CDKN2B-AS1: variants seen among roughly 807,000 people sequenced by gnomAD.
CDKN2B-AS1 encodes CDKN2B antisense RNA 1 (non-protein coding).
intron 1 of CDKN2B-AS1, among the ~76,000 whole-genome samples, chr9:22,032,081 C>T (rs1822498725): frequency 6.6e-6 from 1 of 152,212 alleles, no homozygotes; most frequent in East Asian, 1.9e-4. Context: ...ACCTTGATTG[C>T]AGTCTTGTGA....
At chr9:22,023,410 A>G (rs1438437613) in intron 1 of CDKN2B-AS1, among the ~76,000 whole-genome samples, 4 of 152,014 alleles carry the variant, frequency 2.6e-5, no homozygotes, top group East Asian at 1.9e-4. Context: ...CACTTAGTCT[A>G]TTCTGTTATT....
In CDKN2B-AS1 at chr9:22,074,471, T is replaced by A. The variant is rs73650038; in HGVS notation, n.438+18084T>A. Among the ~76,000 whole-genome samples the A allele has an allele frequency of 7.9e-3, 1,201 of 152,312 alleles. 18 individuals carry two copies. The highest frequency in any genetic ancestry group is 0.027 in the African/African-American group (1,127 of 41,560). ...GTAGGGAGTACTTCAGAGATGCATC[T>A]GGTCACTCTCGAATACATAACACAT... On this transcript the variant is annotated intron_variant and non_coding_transcript_variant, in intron 4 of 4. Coordinates refer to ENST00000650946, the Ensembl canonical transcript of CDKN2B-AS1.
chr9:22,092,728 T>C (rs1563976581), intron 4 of CDKN2B-AS1, among the ~76,000 whole-genome samples: 1 of 152,186 alleles, frequency 6.6e-6, no homozygotes, highest in East Asian at 1.9e-4. Context: ...TCTTTATTAA[T>C]CTTGCTAGTG....
rs1037857704 is a variant in CDKN2B-AS1 at position 22,001,456 on chromosome 9, C to G, written n.29+6295C>G. Among the ~76,000 whole-genome samples, 1 of 152,110 alleles carries G rather than the reference C, an allele frequency of 6.6e-6. No homozygotes were observed. The highest frequency in any genetic ancestry group is 2.4e-5 in the African/African-American group (1 of 41,442). Reference sequence around the variant, plus strand: ...ACATTGTTCTTAGTTCTTTTTCCAGCAAACTCTTTTGTTTTACATTTAGTT... The same window carrying G: ...ACATTGTTCTTAGTTCTTTTTCCAGGAAACTCTTTTGTTTTACATTTAGTT... On this transcript the variant is annotated intron_variant and non_coding_transcript_variant, in intron 1 of 4. Transcript: ENST00000650946. The surrounding 1 kb of genome is among the most constrained non-coding windows in gnomAD (Gnocchi z 4.2).
At chr9:22,052,477 A>G (rs1273688928) in intron 3 of CDKN2B-AS1, among the ~76,000 whole-genome samples, 1 of 152,242 alleles carries the variant, frequency 6.6e-6, no homozygotes, top group South Asian at 2.1e-4. Flanking sequence ...CATTTGATCT[A>G]GGTTTTCAAT....
chr9:22,107,722 A>G (rs970961468), intron 4 of CDKN2B-AS1, among the ~76,000 whole-genome samples: 3 of 152,194 alleles, frequency 2.0e-5, no homozygotes, highest in Non-Finnish European at 2.9e-5. Context: ...CTGACTGGTC[A>G]TTATAGTCTT....
At chr9:22,089,851 C>T (rs1030090646) in intron 4 of CDKN2B-AS1, among the ~76,000 whole-genome samples, 3 of 151,884 alleles carry the variant, frequency 2.0e-5, no homozygotes, top group Non-Finnish European at 2.9e-5. Context: ...TTATACTTTA[C>T]GTTTTAGGGT....
intron 4 of CDKN2B-AS1, chr9:22,092,417 C>A (rs1825123760): frequency 6.6e-6 from 1 of 152,268 alleles, no homozygotes; most frequent in East Asian, 1.9e-4. Context: ...CCTCTTTGTA[C>A]CTCTGGTAGA....
At chr9:22,098,721 A>G (rs1479348530) in intron 4 of CDKN2B-AS1, among the ~76,000 whole-genome samples, 2 of 152,192 alleles carry the variant, frequency 1.3e-5, no homozygotes, top group Admixed American at 6.5e-5. Flanking sequence ...AGTCTTAGAA[A>G]CATTAACTGG....
Position 21,997,311 on chromosome 9 carries a change from G to C in CDKN2B-AS1, n.29+2150G>C, listed in dbSNP as rs140106175. On this transcript the variant is annotated intron_variant and non_coding_transcript_variant, in intron 1 of 4. Coordinates refer to ENST00000650946, the Ensembl canonical transcript of CDKN2B-AS1. The surrounding 1 kb of genome is among the most constrained non-coding windows in gnomAD (Gnocchi z 4.8). ...TAGGACAGCTATGACATCACTAGGG[G>C]ATAGGAATTTTTCACATCCATTATA... Among the ~76,000 whole-genome samples the C allele has an allele frequency of 2.2e-3, 332 of 152,304 alleles. 1 individual carries two copies. The highest frequency in any genetic ancestry group is 7.6e-3 in the African/African-American group (316 of 41,560).
rs188301867 is a variant in CDKN2B-AS1, at chr9:22,036,725, A to G, written n.30-10026A>G. On this transcript the variant is annotated intron_variant and non_coding_transcript_variant, in intron 1 of 4. Transcript: ENST00000650946. ...TTTCTTGTGTAACTCCTCTGCCTTC[A>G]TGCAAACCTTTGAGAACAATCTCTT... Among the ~76,000 whole-genome samples the G allele has an allele frequency of 3.1e-3, 472 of 152,196 alleles. 1 individual carries two copies. The highest frequency in any genetic ancestry group is 0.01 in the African/African-American group (420 of 41,554).
At chr9:22,101,423 G>A (rs1202669519) in intron 4 of CDKN2B-AS1, among the ~76,000 whole-genome samples, 1 of 152,100 alleles carries the variant, frequency 6.6e-6, no homozygotes. Flanking sequence ...GGCCACAGAA[G>A]TAACAACTTT....
chr9:22,015,338 C>T (rs546314296), intron 1 of CDKN2B-AS1, among the ~76,000 whole-genome samples: 1 of 152,032 alleles, frequency 6.6e-6, no homozygotes, highest in African/African-American at 2.4e-5. Context: ...ATGAAAAAGT[C>T]CATTCTTTAG....
chr9:22,057,200 A>G (rs1473941471), intron 4 of CDKN2B-AS1, among the ~76,000 whole-genome samples: 1 of 152,158 alleles, frequency 6.6e-6, no homozygotes, highest in East Asian at 1.9e-4. Flanking sequence ...TCTTTCCAAA[A>G]GTTAACTCAT....
intron 4 of CDKN2B-AS1, chr9:22,120,846 T>A (rs1441838907): frequency 6.6e-6 from 1 of 152,080 alleles, no homozygotes; most frequent in Non-Finnish European, 1.5e-5. Flanking sequence ...ATGTAATGCT[T>A]ACCTAGTGCC....
At chr9:22,098,800 G>T (rs1249697121) in intron 4 of CDKN2B-AS1, among the ~76,000 whole-genome samples, 1 of 152,118 alleles carries the variant, frequency 6.6e-6, no homozygotes, top group East Asian at 1.9e-4. Flanking sequence ...CAGATCCCAT[G>T]TACTTTCCCC....
At chr9:22,101,195 G>A (rs145084352) in intron 4 of CDKN2B-AS1, among the ~76,000 whole-genome samples, 64 of 152,214 alleles carry the variant, frequency 4.2e-4, no homozygotes, top group African/African-American at 1.4e-3. Flanking sequence ...GATAACACAA[G>A]TATCAATTAT....
At chr9:22,069,271 C>T (rs546371688) in intron 4 of CDKN2B-AS1, among the ~76,000 whole-genome samples, 1 of 152,176 alleles carries the variant, frequency 6.6e-6, no homozygotes, top group African/African-American at 2.4e-5. Context: ...AGAGGAGTAG[C>T]AAAACCCATG....
chr9:22,049,825 G>A (rs138781137), intron 3 of CDKN2B-AS1, among the ~76,000 whole-genome samples: 97 of 152,242 alleles, frequency 6.4e-4, no homozygotes, highest in Non-Finnish European at 9.1e-4. Flanking sequence ...TCTGTAAAGC[G>A]TTTCATAGAT....
Sources: gnomAD v4.1 joint callset for allele counts (sites outside exome capture counted in the v4.1 genomes callset) on GRCh38, gnomAD v4.1.1 for gene constraint, Gnocchi (gnomAD v3.1) non-coding constraint, MANE v1.5 for transcripts, NCBI Gene and HGNC (gene_info 2026-07-23, HGNC 2026-07-21) for gene names.